NME5: variants seen among roughly 807,000 people sequenced by gnomAD.
The protein encoded by NME5 is nucleoside diphosphate kinase 5.
A neutral mutation model predicts 21.6 loss-of-function variants in NME5; 18 were observed. The observed-to-expected ratio is 0.83, with a 90% confidence interval of 0.58 to 1.24. The LOEUF (loss-of-function observed/expected upper bound fraction) is 1.24. NME5 is among the 50% of genes most tolerant of loss of function. The pLI, the probability that NME5 is intolerant of heterozygous loss-of-function variation, is 0.00. For synonymous variants in NME5, 70 were observed against 80.6 expected (o/e 0.87, Z 0.71); for missense variants, 223 against 255.4 (o/e 0.87, Z 0.86).
chr5:138,128,451 G>A, intron 4 of NME5, 28 bp downstream of exon 4: 2 of 1,513,212 alleles, frequency 1.3e-6, no homozygotes, highest in Non-Finnish European at 1.8e-6. Flanking sequence ...AGGAGATGCA[G>A]TTGACAAGTT....
In NME5 at chr5:138,115,697, A is replaced by T; in HGVS notation, c.623T>A (p.Val208Glu). ...NKPKLCHHPIVEEPY is the reference protein window; with the variant it reads ...NKPKLCHHPIEEEPY Reference sequence around the variant, plus strand: ...ATTTTTTTTTTAATAAGGTTCTTCTACAATTGGATGGTGACAAAGTTTGGG... The same window carrying T: ...ATTTTTTTTTTAATAAGGTTCTTCTTCAATTGGATGGTGACAAAGTTTGGG... Residue 208 changes from valine to glutamate, a missense_variant, in exon 6 of 6, where the codon GTA becomes GAA. Coordinates refer to ENST00000265191, the MANE Select transcript of NME5 (RefSeq NM_003551.3). 1 of 1,577,040 alleles carries T rather than the reference A, an allele frequency of 6.3e-7. No individual in the cohort carries two copies. The highest frequency in any genetic ancestry group is 8.6e-7 in the Non-Finnish European group (1 of 1,167,332).
intron 5 of NME5, among the ~76,000 whole-genome samples, chr5:138,117,782 A>G (rs1468376720): frequency 6.6e-6 from 1 of 152,154 alleles, no homozygotes; most frequent in Non-Finnish European, 1.5e-5. Context: ...CAGGAGTTCG[A>G]GACCAGCCTG....
Position 138,138,680 on chromosome 5 carries a change from A to G in NME5, c.101T>C (p.Ile34Thr), listed in dbSNP as rs1751780642. Residue 34 changes from isoleucine (I) to threonine (T), a missense_variant, in exon 2 of 6, where the codon ATT becomes ACT. Coordinates refer to ENST00000265191, the MANE Select transcript of NME5 (RefSeq NM_003551.3). The stretch of plus-strand genomic sequence containing the variant: ...AACAATGGTGAATCCGGATCTAAGA[A>G]TAATATCTTGTATCTCCTCCTCTTT... Reference protein sequence around the residue: ...VDKEEEIQDIILRSGFTIVQR... With the variant: ...VDKEEEIQDITLRSGFTIVQR... 11 of 1,612,618 alleles carry G rather than the reference A, an allele frequency of 6.8e-6. No individual in the cohort carries two copies. Among genetic ancestry groups the G allele is most frequent in the Non-Finnish European group, 9.3e-6 (11 of 1,179,478 alleles).
At chr5:138,137,427 C>G (rs1751723778) in intron 2 of NME5, among the ~76,000 whole-genome samples, 1 of 151,964 alleles carries the variant, frequency 6.6e-6, no homozygotes, top group Non-Finnish European at 1.5e-5. Context: ...AAGCGATTCT[C>G]CTGCCTCAGC....
chr5:138,137,976 G>A (rs917678262), intron 2 of NME5, among the ~76,000 whole-genome samples: 2 of 151,934 alleles, frequency 1.3e-5, no homozygotes, highest in African/African-American at 4.8e-5. Context: ...CTGCACTCCA[G>A]TCTGGGCTAC....
chr5:138,124,238 G>A (rs1751350848), intron 4 of NME5, among the ~76,000 whole-genome samples: 2 of 151,604 alleles, frequency 1.3e-5, no homozygotes, highest in South Asian at 2.1e-4. Flanking sequence ...CCTGACCTCA[G>A]GTGATCTGCC....
chr5:138,123,418 C>T (rs114336156), intron 4 of NME5, among the ~76,000 whole-genome samples: 5,772 of 152,078 alleles, frequency 0.038, 352 homozygotes, highest in African/African-American at 0.13. Flanking sequence ...TTCTACTCTC[C>T]GAGTTCAAGT....
Position 138,129,363 on chromosome 5 carries a change from G to C in NME5, c.235C>G (p.Leu79Val), listed in dbSNP as rs768612966. The C allele has an allele frequency of 1.9e-6, 3 of 1,613,946 alleles. No homozygotes were observed. In the South Asian group the frequency reaches 3.3e-5, roughly 18 times the overall value. The change falls in exon 3 of 6, where the codon CTT becomes GTT. Residue 79 changes from leucine to valine, a missense_variant. Coordinates refer to ENST00000265191, the MANE Select transcript of NME5 (RefSeq NM_003551.3). ...TGTCTAGCTAATATCATGGCGACAA[G>C]TGGTCCAGAACTCATGTAAGCTGTT... Reference protein sequence around the residue: ...NLTAYMSSGPLVAMILARHKA... With the variant: ...NLTAYMSSGPVVAMILARHKA...
intron 4 of NME5, among the ~76,000 whole-genome samples, chr5:138,124,435 T>C (rs576946881): frequency 7.9e-5 from 12 of 152,350 alleles, no homozygotes; most frequent in Admixed American, 2.6e-4. Context: ...GAGTTCCTTA[T>C]ATATTTTAGA....
intron 2 of NME5, among the ~76,000 whole-genome samples, chr5:138,134,919 G>A (rs1315026091): frequency 6.7e-6 from 1 of 148,762 alleles, no homozygotes; most frequent in African/African-American, 2.5e-5. Context: ...GTTTCGCTGT[G>A]GTCTCAATCT....
At chr5:138,133,484 T>C (rs547805211) in intron 2 of NME5, among the ~76,000 whole-genome samples, 1 of 152,212 alleles carries the variant, frequency 6.6e-6, no homozygotes, top group African/African-American at 2.4e-5. Flanking sequence ...AGGTGAAATT[T>C]TTTGAAATTA....
Position 138,115,458 on chromosome 5 carries a change from C to T in NME5, c.*223G>A, listed in dbSNP as rs1751136690. ...CTAGCAACATCTTACATGAGTTTTC[C>T]ATTACCTAGTGTTACATCATTGTTA... On this transcript the variant is annotated 3_prime_UTR_variant, in exon 6 of 6. Coordinates refer to ENST00000265191, the MANE Select transcript of NME5 (RefSeq NM_003551.3). The T allele has an allele frequency of 5.9e-6, 2 of 338,522 alleles. No individual in the cohort carries two copies. Among genetic ancestry groups the T allele is most frequent in the Non-Finnish European group, 5.3e-6 (1 of 189,334 alleles). The allele number at this position is 338,522 out of a possible 1,614,324, so 21.0% of individuals were successfully genotyped here.
chr5:138,121,859 A>G (rs903694053), intron 4 of NME5, among the ~76,000 whole-genome samples: 1 of 151,948 alleles, frequency 6.6e-6, no homozygotes, highest in Non-Finnish European at 1.5e-5. Context: ...ATTTTCTTTA[A>G]ATTTTTTTTT....
chr5:138,130,635 A>G (rs1751539663), intron 2 of NME5, among the ~76,000 whole-genome samples: 1 of 152,008 alleles, frequency 6.6e-6, no homozygotes, highest in South Asian at 2.1e-4. Context: ...CTAAAAATAC[A>G]AAAATCAGGC....
intron 2 of NME5, among the ~76,000 whole-genome samples, chr5:138,132,172 C>A (rs894346949): frequency 6.6e-6 from 1 of 152,134 alleles, no homozygotes; most frequent in African/African-American, 2.4e-5. Flanking sequence ...CCAGCCTGGG[C>A]CACACGCAGA....
intron 1 of NME5, 100 bp from the exon 2 acceptor site, chr5:138,138,885 G>C (rs1034380880): frequency 9.1e-7 from 1 of 1,095,346 alleles, no homozygotes; most frequent in Non-Finnish European, 1.3e-6. Context: ...TTATGATTAA[G>C]AATAGCAATA....
chr5:138,138,944 T>C lies in NME5; in HGVS notation c.-5-159A>G, dbSNP rs903826866. Reference sequence around the variant, plus strand: ...GATGAAGGTAGAAACTGCCATGTTTTTCTATATACAGGGTCTCAATAATAG... The same window carrying C: ...GATGAAGGTAGAAACTGCCATGTTTCTCTATATACAGGGTCTCAATAATAG... On this transcript the variant is annotated intron_variant, in intron 1 of 5. Coordinates refer to ENST00000265191, the MANE Select transcript of NME5 (RefSeq NM_003551.3). The C allele has an allele frequency of 4.5e-6, 3 of 665,028 alleles. No individual in the cohort carries two copies. The African/African-American group carries it at 5.5e-5, about 12-fold the overall frequency. 41.2% of individuals were successfully genotyped at this position (665,028 alleles called of 1,614,324 possible). A position where few individuals can be genotyped will look rare whatever the true frequency, so the allele number is the denominator to read the frequency against.
At chr5:138,131,204 TAA>T (rs762579967) in intron 2 of NME5, among the ~76,000 whole-genome samples, 12 of 80,872 alleles carry the variant, frequency 1.5e-4, no homozygotes, top group Non-Finnish European at 2.0e-4. Flanking sequence ...CCGTCTCTGC[TAA>T]AAAAAAAAAA....
At chr5:138,123,419 G>C (rs937439886) in intron 4 of NME5, among the ~76,000 whole-genome samples, 1 of 151,888 alleles carries the variant, frequency 6.6e-6, no homozygotes, top group Non-Finnish European at 1.5e-5. Flanking sequence ...TCTACTCTCC[G>C]AGTTCAAGTT....
Sources: allele counts gnomAD v4.1 joint callset (sites outside exome capture counted in the v4.1 genomes callset), GRCh38; gene constraint gnomAD v4.1.1; transcripts MANE v1.5; gene names NCBI Gene and HGNC (gene_info 2026-07-23, HGNC 2026-07-21).